The following TMTC4 variants were observed in gnomAD, a reference collection of about 807,000 sequenced individuals.
The protein encoded by TMTC4 is protein O-mannosyl-transferase TMTC4.
In TMTC4, 65 loss-of-function variants were observed where a neutral mutation model predicts 86.0. That is an observed-to-expected ratio of 0.76 (90% CI 0.62 to 0.93). The LOEUF is 0.93. Ranked by LOEUF, TMTC4 falls within the 40% of genes least tolerant of loss-of-function variation. The pLI is 0.00. For synonymous variants in TMTC4, 379 were observed against 382.5 expected, an observed-to-expected ratio of 0.99 and a Z score of 0.11; for missense variants, 866 against 948.1, an observed-to-expected ratio of 0.91 and a Z score of 1.14.
intron 15 of TMTC4, among the ~76,000 whole-genome samples, chr13:100,618,366 T>G (rs1878845014): frequency 6.6e-6 from 1 of 152,098 alleles, no homozygotes; most frequent in Non-Finnish European, 1.5e-5. Flanking sequence ...GGACTTCCAG[T>G]ACCATGTTGA....
chr13:100,645,213 C>T (rs988795319), intron 6 of TMTC4, among the ~76,000 whole-genome samples: 5 of 152,188 alleles, frequency 3.3e-5, no homozygotes, highest in Non-Finnish European at 5.9e-5. Context: ...GTGGCCACCG[C>T]GAACCCTCTC....
chr13:100,639,199 G>A (rs1370365897), intron 7 of TMTC4, among the ~76,000 whole-genome samples: 14 of 152,214 alleles, frequency 9.2e-5, no homozygotes, highest in Non-Finnish European at 2.9e-5. Context: ...TCAGAAGTCA[G>A]TGGTAATTTG....
At chr13:100,614,821 T>A (rs1474801677) in intron 15 of TMTC4, 2 of 602,042 alleles carry the variant, frequency 3.3e-6, no homozygotes, top group Non-Finnish European at 4.2e-6. Context: ...GAAAGCCTCA[T>A]CATTAGTCTT....
intron 8 of TMTC4, 55 bp from the exon 9 acceptor site, chr13:100,637,757 C>A: frequency 6.3e-7 from 1 of 1,594,510 alleles, no homozygotes; most frequent in Non-Finnish European, 8.6e-7. Context: ...AAAAGTGTGG[C>A]TGAGCCAGGT....
Position 100,625,566 on chromosome 13 carries a change from T to A in TMTC4, c.1805A>T (p.Tyr602Phe). ...CCCGAGGTTGTAGTAACAGTCTGGG[T>A]ATTTCCTTCTGTGTTTAATTGCTGT... ...YRTAIKHRRK[Y>F]PDCYYNLGRL... Residue 602 changes from tyrosine (Y) to phenylalanine (F), a missense_variant, in exon 15 of 19, where the codon TAC becomes TTC. Transcript: ENST00000342624. 2 of 1,614,200 alleles carry A rather than the reference T, an allele frequency of 1.2e-6. No homozygotes were observed. The highest frequency in any genetic ancestry group is 1.7e-6 in the Non-Finnish European group (2 of 1,180,052).
chr13:100,637,392 T>C, intron 9 of TMTC4, 146 bp downstream of exon 9: 1 of 1,097,612 alleles, frequency 9.1e-7, no homozygotes, highest in Non-Finnish European at 1.3e-6. Flanking sequence ...AGAACATCTT[T>C]AGTGATCGCA....
chr13:100,666,125 A>G (rs1351661238), intron 3 of TMTC4: 1 of 449,260 alleles, frequency 2.2e-6, no homozygotes, highest in South Asian at 1.6e-5. Context: ...AAGAAAGGTC[A>G]ATTCTTCCTC....
intron 6 of TMTC4, among the ~76,000 whole-genome samples, chr13:100,652,434 G>T (rs541489438): frequency 6.6e-6 from 1 of 152,258 alleles, no homozygotes; most frequent in Admixed American, 6.5e-5. Flanking sequence ...AGCTGAGATT[G>T]TACCACTGCA....
intron 7 of TMTC4, 90 bp downstream of exon 7, chr13:100,642,121 G>C: frequency 1.5e-6 from 2 of 1,356,100 alleles, no homozygotes; most frequent in Non-Finnish European, 2.1e-6. Context: ...CGTGGAGAAC[G>C]CCACAGAGGC....
chr13:100,670,260 A>G, intron 2 of TMTC4, 100 bp downstream of exon 2: 1 of 1,404,324 alleles, frequency 7.1e-7, no homozygotes, highest in Non-Finnish European at 9.7e-7. Context: ...TGGAATCAAT[A>G]AGAAGCCAGC....
At chr13:100,612,587 G>C in intron 16 of TMTC4, 77 bp from the exon 17 acceptor site, 2 of 1,012,166 alleles carry the variant, frequency 2.0e-6, no homozygotes, top group South Asian at 2.8e-5. Flanking sequence ...TAACTAACAG[G>C]GTTTATGTGC....
At chr13:100,666,236 A>G (rs1012545205) in intron 3 of TMTC4, 2 of 338,196 alleles carry the variant, frequency 5.9e-6, no homozygotes, top group South Asian at 2.4e-5. Context: ...GCAACTCCAC[A>G]CTGCAAGGAA....
intron 4 of TMTC4, among the ~76,000 whole-genome samples, chr13:100,663,903 C>T (rs1886098376): frequency 6.6e-6 from 1 of 152,148 alleles, no homozygotes; most frequent in Admixed American, 6.5e-5. Context: ...TTATTTATTT[C>T]TGTAGTGAAA....
chr13:100,619,367 ACACACACAGT>A (rs1162219563), intron 15 of TMTC4, among the ~76,000 whole-genome samples: 10 of 136,820 alleles, frequency 7.3e-5, no homozygotes, highest in Non-Finnish European at 1.3e-4. Flanking sequence ...ACACACACAC[ACACACACAGT>A]GATGGATTTT....
chr13:100,657,905 T>C (rs988042598), intron 5 of TMTC4, among the ~76,000 whole-genome samples: 8 of 152,180 alleles, frequency 5.3e-5, no homozygotes, highest in African/African-American at 1.4e-4. Context: ...GACCTCCTGA[T>C]GGTTGGTACG....
chr13:100,645,157 G>A (rs1883558807), intron 6 of TMTC4, among the ~76,000 whole-genome samples: 1 of 152,114 alleles, frequency 6.6e-6, no homozygotes, highest in African/African-American at 2.4e-5. Flanking sequence ...TTTGCCTTCA[G>A]GATAATGGTT....
chr13:100,626,899 GC>G (rs1177952136), intron 12 of TMTC4, among the ~76,000 whole-genome samples: 3 of 152,188 alleles, frequency 2.0e-5, no homozygotes, highest in African/African-American at 7.2e-5. Context: ...GGGAAGTAGG[GC>G]CTCTGGGAAG....
chr13:100,612,433 A>T lies in TMTC4; in HGVS notation c.2029T>A (p.Leu677Met). 6.2e-7 allele frequency: 1 copy of T among 1,610,904 alleles called. No homozygotes were observed. ...TGGGATTTCCCCAGCACGTTTGCCA[A>T]CGAGAACATGAGAGAGTGATCATTA... ...IPNDHSLMFSLANVLGKSQKY... is the reference protein window; with the variant it reads ...IPNDHSLMFSMANVLGKSQKY... The change falls in exon 17 of 19, where the codon TTG (leucine) becomes ATG (methionine). Residue 677 changes from leucine (L) to methionine (M), a missense_variant. Leu to Met is a conservative substitution (Grantham distance 15). Transcript: ENST00000342624.
intron 1 of TMTC4, among the ~76,000 whole-genome samples, chr13:100,671,344 T>C (rs1461016462): frequency 6.6e-6 from 1 of 152,138 alleles, no homozygotes; most frequent in Non-Finnish European, 1.5e-5. Flanking sequence ...TCACAAACGT[T>C]TGTCAAGGTT....
Sources: gnomAD v4.1 joint callset for allele counts (sites outside exome capture counted in the v4.1 genomes callset) on GRCh38, gnomAD v4.1.1 for gene constraint, MANE v1.5 for transcripts, NCBI Gene and HGNC (gene_info 2026-07-23, HGNC 2026-07-21) for gene names.